The following ANTXR1 variants were observed in gnomAD, a reference collection of about 807,000 sequenced individuals.
ANTXR1 encodes the protein ANTXR cell adhesion molecule 1, also known as anthrax toxin receptor 1.
In ANTXR1, 19 loss-of-function variants were observed where a neutral mutation model predicts 78.1. The observed-to-expected ratio is 0.24, with a 90% CI of 0.17 to 0.36. The LOEUF (loss-of-function observed/expected upper bound fraction) is 0.36. Among genes scored for constraint, ANTXR1 ranks in the 10% least tolerant of loss-of-function variants. The probability of loss-of-function intolerance (pLI) is 1.00; values close to 1 mark genes in which losing one functional copy is unlikely to be tolerated. For missense variants in ANTXR1, 518 were observed against 718.6 expected (o/e 0.72, Z 3.19); for synonymous variants, 273 against 260.5 (o/e 1.05, Z -0.46).
intron 3 of ANTXR1, among the ~76,000 whole-genome samples, chr2:69,060,434 A>G (rs1431646038): frequency 6.6e-6 from 1 of 152,142 alleles, no homozygotes. Flanking sequence ...TGACCTTGTA[A>G]AACAGTGCTG....
rs1035014313 is a variant in ANTXR1 at position 69,230,505 on chromosome 2, C to T, written c.1435-14720C>T. ...TTTGTTCATCCCTATTTTGATGGCACGGCTACTTTATCTTACTGTGTTTCC... is the reference window on the plus strand; with the variant it reads ...TTTGTTCATCCCTATTTTGATGGCATGGCTACTTTATCTTACTGTGTTTCC... On this transcript the variant is annotated intron_variant, in intron 17 of 17. Coordinates refer to ENST00000303714, the MANE Select transcript of ANTXR1 (RefSeq NM_032208.3). Among the ~76,000 whole-genome samples, 22 of 152,092 alleles carry T rather than the reference C, an allele frequency of 1.4e-4. No individual in the cohort carries two copies. The East Asian group carries it at 3.5e-3, about 24-fold the overall frequency.
chr2:69,128,142 C>G (rs575371039), intron 12 of ANTXR1, among the ~76,000 whole-genome samples: 122 of 151,844 alleles, frequency 8.0e-4, no homozygotes, highest in Non-Finnish European at 1.5e-3. Context: ...GAGAATCAGC[C>G]TGAACATGGG....
At chr2:69,191,868 A>G (rs1674553516) in intron 16 of ANTXR1, among the ~76,000 whole-genome samples, 1 of 152,256 alleles carries the variant, frequency 6.6e-6, no homozygotes, top group African/African-American at 2.4e-5. Context: ...TTTATAAACC[A>G]TCTGCCTTTG....
At chr2:69,144,653 A>G (rs1184324327) in intron 12 of ANTXR1, among the ~76,000 whole-genome samples, 1 of 152,220 alleles carries the variant, frequency 6.6e-6, no homozygotes, top group African/African-American at 2.4e-5. Context: ...CTGGCAGAGA[A>G]AGCTAATATC....
At chr2:69,088,467 T>C (rs1174215643) in intron 8 of ANTXR1, among the ~76,000 whole-genome samples, 3 of 152,204 alleles carry the variant, frequency 2.0e-5, no homozygotes, top group Non-Finnish European at 4.4e-5. Flanking sequence ...AATATCACTG[T>C]TTAATAAGTT....
chr2:69,080,747 A>C (rs1003311389), intron 8 of ANTXR1, among the ~76,000 whole-genome samples: 2 of 152,218 alleles, frequency 1.3e-5, no homozygotes, highest in African/African-American at 4.8e-5. Flanking sequence ...AAAAGGGTTG[A>C]CAAAGAACCC....
chr2:69,118,209 C>T (rs2104362189), intron 10 of ANTXR1, among the ~76,000 whole-genome samples: 2 of 146,900 alleles, frequency 1.4e-5, no homozygotes, highest in East Asian at 4.1e-4. Flanking sequence ...CCAGGAGTTC[C>T]AGAGCTGCCT....
At position 69,182,476 on chromosome 2, in the gene ANTXR1, T is replaced by C. The variant is rs376539661; in HGVS notation, c.1186-17T>C. The C allele has an allele frequency of 3.5e-5, 56 of 1,613,996 alleles. No individual in the cohort carries two copies. Among genetic ancestry groups the C allele is most frequent in the Non-Finnish European group, 4.4e-5 (52 of 1,179,988 alleles). On this transcript the variant is annotated splice_polypyrimidine_tract_variant and intron_variant, in intron 15 of 17. Transcript: ENST00000303714. ...CATATTTTGTCATTTCATTTCATTG[T>C]ATTTTGTTTATTTTAGGTTCGTTGG...
At chr2:69,013,153 A>T, upstream of ANTXR1, 1 of 129,060 alleles carries the variant, frequency 7.7e-6, no homozygotes, top group Non-Finnish European at 1.6e-5. The surrounding 1 kb of genome is among the most constrained non-coding windows in gnomAD (Gnocchi z 5.0). Context: ...CATCATATTT[A>T]AAATCTGGGA....
intron 1 of ANTXR1, among the ~76,000 whole-genome samples, chr2:69,038,143 C>CA (rs1196378078): frequency 1.6e-4 from 24 of 152,298 alleles, no homozygotes; most frequent in African/African-American, 5.5e-4. Context: ...TCCAAATGCA[C>CA]AGTCCTCAAC....
intron 14 of ANTXR1, among the ~76,000 whole-genome samples, chr2:69,176,172 A>T (rs1289819455): frequency 2.2e-5 from 3 of 138,198 alleles, no homozygotes; most frequent in African/African-American, 8.0e-5. Context: ...TTAATACTTT[A>T]AAAAAAAAAA....
intron 1 of ANTXR1, among the ~76,000 whole-genome samples, chr2:69,035,653 C>A (rs1671655908): frequency 6.6e-6 from 1 of 152,128 alleles, no homozygotes; most frequent in Non-Finnish European, 1.5e-5. Flanking sequence ...ATATTTTGGT[C>A]AAGGCTTAAA....
At chr2:69,157,136 A>T (rs887033033) in intron 13 of ANTXR1, among the ~76,000 whole-genome samples, 1 of 151,708 alleles carries the variant, frequency 6.6e-6, no homozygotes. Context: ...TTCACTTCTC[A>T]TTCTTCTTTA....
At chr2:69,091,291 A>G (rs916596739) in intron 9 of ANTXR1, among the ~76,000 whole-genome samples, 1 of 151,660 alleles carries the variant, frequency 6.6e-6, no homozygotes, top group Non-Finnish European at 1.5e-5. Context: ...AATACAAAAA[A>G]TTAGCCAGGT....
intron 17 of ANTXR1, among the ~76,000 whole-genome samples, chr2:69,228,311 G>A (rs1438536716): frequency 4.6e-5 from 7 of 152,202 alleles, no homozygotes; most frequent in Non-Finnish European, 7.3e-5. Flanking sequence ...ACAGAACAAC[G>A]GAGGCTGGGT....
intron 14 of ANTXR1, among the ~76,000 whole-genome samples, chr2:69,179,138 C>G (rs1346476646): frequency 6.6e-6 from 1 of 152,202 alleles, no homozygotes; most frequent in Non-Finnish European, 1.5e-5. Flanking sequence ...TATAAGATTC[C>G]TGCTTTCACA....
At chr2:69,241,229 A>G (rs1300877671) in intron 17 of ANTXR1, among the ~76,000 whole-genome samples, 2 of 152,136 alleles carry the variant, frequency 1.3e-5, no homozygotes, top group Non-Finnish European at 1.5e-5. Flanking sequence ...TTTTAACCAA[A>G]CACTGGTGCA....
In ANTXR1 at chr2:69,246,854, A is replaced by C. The variant is rs1357751017; in HGVS notation, c.*1369A>C. On this transcript the variant is annotated 3_prime_UTR_variant, in exon 18 of 18. Coordinates refer to ENST00000303714, the MANE Select transcript of ANTXR1 (RefSeq NM_032208.3). ...CTCCTGCATCAGCCTATTCAAAATT[A>C]TCTCTCTCTCTAGCTTTCCACAAAT... is the stretch of plus-strand genomic sequence containing the variant. 2 of 152,152 alleles carry C rather than the reference A, an allele frequency of 1.3e-5. No individual in the cohort carries two copies. Among genetic ancestry groups the C allele is most frequent in the Non-Finnish European group, 2.9e-5 (2 of 68,014 alleles). 9.4% of individuals were successfully genotyped at this position (152,152 alleles called of 1,614,324 possible).
At chr2:69,239,090 G>T (rs1380859957) in intron 17 of ANTXR1, among the ~76,000 whole-genome samples, 2 of 152,094 alleles carry the variant, frequency 1.3e-5, no homozygotes, top group African/African-American at 4.8e-5. Context: ...TAATAGAAAA[G>T]CAGAAGGCAG....
Sources: gnomAD v4.1 joint callset for allele counts (sites outside exome capture counted in the v4.1 genomes callset) on GRCh38, gnomAD v4.1.1 for gene constraint, Gnocchi (gnomAD v3.1) non-coding constraint, MANE v1.5 for transcripts, NCBI Gene and HGNC (gene_info 2026-07-23, HGNC 2026-07-21) for gene names.